The following AP3D1 variants were observed in gnomAD, a reference collection of about 807,000 sequenced individuals.
The protein encoded by AP3D1 is AP-3 complex subunit delta-1.
Under a neutral mutation model 147.6 loss-of-function variants are expected in AP3D1, and 51 were observed. The ratio of observed to expected loss-of-function variants is 0.35; its 90% CI spans 0.28 to 0.44. The LOEUF is 0.44. Ranked by LOEUF, AP3D1 falls within the 20% of genes least tolerant of loss-of-function variation. The probability of loss-of-function intolerance (pLI) is 1.00; values close to 1 mark genes in which losing one functional copy is unlikely to be tolerated. For missense variants in AP3D1, 1,421 were observed against 1,624.2 expected (o/e 0.87, Z 2.15); for synonymous variants, 760 against 663.0 (o/e 1.15, Z -2.25).
Position 2,102,172 on chromosome 19 carries a change from C to T in AP3D1, c.*1G>A. On this transcript the variant is annotated 3_prime_UTR_variant, in exon 32 of 32. Coordinates refer to ENST00000643116, the MANE Select transcript of AP3D1 (RefSeq NM_001261826.3). Reference sequence around the variant, plus strand: ...GGTGGTGCGGGGCTCGCAGGCAGCTCTCAACACTTGGCCAGCGTCGCCTTC... The same window carrying T: ...GGTGGTGCGGGGCTCGCAGGCAGCTTTCAACACTTGGCCAGCGTCGCCTTC... 6.2e-7 allele frequency: 1 copy of T among 1,613,016 alleles called. No homozygotes were observed. Among genetic ancestry groups the T allele is most frequent in the South Asian group, 1.1e-5 (1 of 91,058 alleles).
chr19:2,138,530 G>C, intron 2 of AP3D1, 89 bp downstream of exon 2: 1 of 1,021,086 alleles, frequency 9.8e-7, no homozygotes, highest in East Asian at 2.4e-5. Flanking sequence ...TGACTGACAG[G>C]TGGACAGACA....
At chr19:2,129,659 T>C (rs889979977) in intron 6 of AP3D1, among the ~76,000 whole-genome samples, 6 of 152,228 alleles carry the variant, frequency 3.9e-5, no homozygotes, top group Non-Finnish European at 8.8e-5. Flanking sequence ...AGCCAGCTCC[T>C]GGCGCTGAGA....
chr19:2,117,550 AGAAACAGACCAGTCCG>A (rs2018493253), intron 15 of AP3D1, among the ~76,000 whole-genome samples, 183 bp from the exon 16 acceptor site: 1 of 152,252 alleles, frequency 6.6e-6, no homozygotes, highest in African/African-American at 2.4e-5. Context: ...AGGAAGCGGC[AGAAACAGACCAGTCCG>A]GAAACAGAAC....
intron 1 of AP3D1, among the ~76,000 whole-genome samples, chr19:2,142,016 A>T (rs998412023): frequency 2.7e-5 from 4 of 150,036 alleles, no homozygotes; most frequent in African/African-American, 7.3e-5. Context: ...ATGTTTATTT[A>T]TATATATATA....
intron 9 of AP3D1, 97 bp downstream of exon 9, chr19:2,127,055 C>T (rs564218910): frequency 7.0e-5 from 93 of 1,331,086 alleles, no homozygotes; most frequent in Admixed American, 1.2e-4. Flanking sequence ...GCAGGGGTGG[C>T]GCTCGGAGAC....
At chr19:2,125,228 A>T (rs2018720902) in intron 9 of AP3D1, among the ~76,000 whole-genome samples, 1 of 152,240 alleles carries the variant, frequency 6.6e-6, no homozygotes. Context: ...ACGAACGAAG[A>T]AATGTGGCAA....
At position 2,123,861 on chromosome 19, in the gene AP3D1, G is replaced by A; in HGVS notation, c.875C>T (p.Ser292Phe). Residue 292 changes from serine to phenylalanine, a missense_variant, in exon 10 of 32, where the codon TCC becomes TTC. Transcript: ENST00000643116. ...TVIAVLISLSSGMPNHSASIQ... is the reference protein window; with the variant it reads ...TVIAVLISLSFGMPNHSASIQ... The stretch of plus-strand genomic sequence containing the variant: ...GCTGGCGCTGTGGTTGGGCATGCCG[G>A]AGGACAGCGAGATGAGCACTGCAAC... 6.3e-7 allele frequency: 1 copy of A among 1,578,082 alleles called. No individual in the cohort carries two copies. The highest frequency in any genetic ancestry group is 8.6e-7 in the Non-Finnish European group (1 of 1,162,186).
At chr19:2,131,869 G>C (rs548640942) in intron 5 of AP3D1, among the ~76,000 whole-genome samples, 1 of 150,104 alleles carries the variant, frequency 6.7e-6, no homozygotes, top group Non-Finnish European at 1.5e-5. Flanking sequence ...CCACGATCTA[G>C]ACACCTCCGG....
chr19:2,115,370 T>G lies in AP3D1; in HGVS notation c.2198A>C (p.His733Pro). ...CTTGTCCTTCTCCAGCTTCTGCCGGTGCCGCCGCTCCTCCTCCAGCTTCAC... is the reference window on the plus strand; with the variant it reads ...CTTGTCCTTCTCCAGCTTCTGCCGGGGCCGCCGCTCCTCCTCCAGCTTCAC... The part of the protein sequence containing the change: ...QYVKLEEERR[H>P]RQKLEKDKRR... Residue 733 changes from histidine (H) to proline (P), a missense_variant, in exon 20 of 32, where the codon CAC becomes CCC. Physicochemically the swap from His to Pro is moderately conservative, Grantham distance 77. Around this residue, in one of 6 missense-constraint regions of AP3D1, gnomAD observed 791 missense variants for 761.4 expected, o/e 1.04. Coordinates refer to ENST00000643116, the MANE Select transcript of AP3D1 (RefSeq NM_001261826.3). 6.2e-7 allele frequency: 1 copy of G among 1,606,944 alleles called. No homozygotes were observed.
intron 1 of AP3D1, among the ~76,000 whole-genome samples, chr19:2,159,962 C>T (rs1021066076): frequency 5.9e-5 from 9 of 152,206 alleles, no homozygotes; most frequent in Admixed American, 6.5e-5. Flanking sequence ...GTGATCTGCC[C>T]GCCTCAGCCT....
Position 2,108,682 on chromosome 19 carries a change from C to T in AP3D1, c.3552+5G>A, listed in dbSNP as rs1464172596. The T allele has an allele frequency of 7.6e-6, 12 of 1,574,750 alleles. No individual in the cohort carries two copies. Among genetic ancestry groups the T allele is most frequent in the African/African-American group, 1.4e-5 (1 of 73,682 alleles). On this transcript the variant is annotated splice_donor_5th_base_variant and intron_variant, in intron 31 of 31. Coordinates refer to ENST00000643116, the MANE Select transcript of AP3D1 (RefSeq NM_001261826.3). Reference sequence around the variant, plus strand: ...CCAGGGTGTGCACAGCAGCCCGAGGCTCACCTTTTTCACCAGGAGGCAGAC... The same window carrying T: ...CCAGGGTGTGCACAGCAGCCCGAGGTTCACCTTTTTCACCAGGAGGCAGAC...
intron 9 of AP3D1, among the ~76,000 whole-genome samples, chr19:2,125,661 TC>T (rs1414289795): frequency 3.3e-5 from 5 of 152,270 alleles, no homozygotes; most frequent in African/African-American, 1.2e-4. Context: ...AATTTTTTTT[TC>T]TTAAAATAGG....
At chr19:2,118,970 G>A in intron 14 of AP3D1, 138 bp from the exon 15 acceptor site, 1 of 751,722 alleles carries the variant, frequency 1.3e-6, no homozygotes, top group South Asian at 1.9e-5. Context: ...GGTCTCCAGG[G>A]GCTGAGACAC....
intron 1 of AP3D1, among the ~76,000 whole-genome samples, chr19:2,160,851 G>C (rs546655438): frequency 4.5e-4 from 69 of 152,094 alleles, no homozygotes; most frequent in African/African-American, 3.4e-4. Context: ...AGCAGCGTCC[G>C]TGGCCTCCAC....
At chr19:2,147,228 C>T (rs549081274) in intron 1 of AP3D1, among the ~76,000 whole-genome samples, 1 of 151,908 alleles carries the variant, frequency 6.6e-6, no homozygotes, top group South Asian at 2.1e-4. Flanking sequence ...GCCTGTAATC[C>T]CAGCTACTAG....
intron 16 of AP3D1, chr19:2,116,962 G>T: frequency 1.2e-6 from 1 of 809,414 alleles, no homozygotes; most frequent in Non-Finnish European, 1.8e-6. Context: ...GGCCCCCACG[G>T]CAGGCTCAGG....
chr19:2,146,806 G>T (rs985180452), intron 1 of AP3D1, among the ~76,000 whole-genome samples: 1 of 152,072 alleles, frequency 6.6e-6, no homozygotes, highest in Admixed American at 6.6e-5. Context: ...ACCATCAAGG[G>T]GGGTCAGGGG....
In AP3D1 at chr19:2,101,098, T is replaced by C. The variant is rs1314077169; in HGVS notation, c.*1075A>G. The C allele has an allele frequency of 1.3e-5, 2 of 152,626 alleles. No homozygotes were observed. Among genetic ancestry groups the C allele is most frequent in the African/African-American group, 2.4e-5 (1 of 41,458 alleles). 9.5% of individuals were successfully genotyped at this position (152,626 alleles called of 1,614,324 possible). On this transcript the variant is annotated 3_prime_UTR_variant, in exon 32 of 32. Transcript: ENST00000643116. ...AATGTCGATAGCAAATAAATTCTTA[T>C]GTAACACATCATACAATTTCAAATC...
intron 15 of AP3D1, among the ~76,000 whole-genome samples, chr19:2,118,214 T>A (rs2018511869): frequency 6.6e-6 from 1 of 152,084 alleles, no homozygotes; most frequent in Non-Finnish European, 1.5e-5. Context: ...TGGGAAGTGG[T>A]GGGCACCGCC....
Sources: gnomAD v4.1 joint callset for allele counts (sites outside exome capture counted in the v4.1 genomes callset) on GRCh38, gnomAD v4.1.1 for gene constraint, gnomAD v4.1.1 regional missense constraint, MANE v1.5 for transcripts, NCBI Gene and HGNC (gene_info 2026-07-23, HGNC 2026-07-21) for gene names.